CA5A: variants seen among roughly 807,000 people sequenced by gnomAD.
CA5A encodes carbonic anhydrase 5A, mitochondrial.
CA5A carries 28 observed loss-of-function variants against 37.1 expected under a neutral mutation model. That is an observed-to-expected ratio of 0.75 (90% CI 0.56 to 1.03). The LOEUF (loss-of-function observed/expected upper bound fraction) is 1.03. Among genes scored for constraint, CA5A ranks in the 50% least tolerant of loss-of-function variants. The probability of loss-of-function intolerance (pLI) is 0.00; values close to 1 mark genes in which losing one functional copy is unlikely to be tolerated. For missense variants in CA5A, 444 were observed against 399.9 expected (o/e 1.11, Z -0.94); for synonymous variants, 171 against 158.4 (o/e 1.08, Z -0.60).
intron 2 of CA5A, among the ~76,000 whole-genome samples, chr16:87,910,062 C>T (rs1298541989): frequency 6.6e-6 from 1 of 151,544 alleles, no homozygotes; most frequent in Non-Finnish European, 1.5e-5. Context: ...TAGCACAACG[C>T]TTGACGTAAA....
intron 2 of CA5A, among the ~76,000 whole-genome samples, chr16:87,907,642 A>G (rs1167926548): frequency 6.6e-6 from 1 of 152,146 alleles, no homozygotes; most frequent in African/African-American, 2.4e-5. Flanking sequence ...GGCTGTTTCT[A>G]GGCTGGGTGT....
downstream of CA5A, chr16:87,886,643 G>A (rs2055650564): frequency 6.6e-6 from 1 of 152,248 alleles, no homozygotes; most frequent in South Asian, 2.1e-4. Context: ...TTGGAGCCCA[G>A]GAGTTCAGGA....
chr16:87,895,563 C>CA, intron 5 of CA5A, among the ~76,000 whole-genome samples: 1 of 152,024 alleles, frequency 6.6e-6, no homozygotes, highest in East Asian at 1.9e-4. Context: ...AAACAAAAAA[C>CA]AAAAAACAAA....
chr16:87,910,915 A>G (rs987370022), intron 2 of CA5A, among the ~76,000 whole-genome samples: 1 of 151,854 alleles, frequency 6.6e-6, no homozygotes, highest in African/African-American at 2.4e-5. Flanking sequence ...ATGCCCAGCT[A>G]ATTTTTGTAT....
chr16:87,884,649 G>C (rs564060680), downstream of CA5A: 2 of 151,608 alleles, frequency 1.3e-5, no homozygotes, highest in African/African-American at 4.9e-5. Flanking sequence ...CAGGAGAATT[G>C]TTTGAACCCG....
downstream of CA5A, chr16:87,886,852 T>C (rs572233069): frequency 6.6e-6 from 1 of 152,356 alleles, no homozygotes; most frequent in Admixed American, 6.5e-5. Context: ...GGTTGATTTG[T>C]CCTTCTCTGA....
At chr16:87,889,663 T>C (rs1340031965) in intron 6 of CA5A, among the ~76,000 whole-genome samples, 2 of 151,632 alleles carry the variant, frequency 1.3e-5, no homozygotes, top group Non-Finnish European at 2.9e-5. Context: ...ATCCAGCTAC[T>C]TGGGAGGGTG....
At chr16:87,917,476 C>A (rs927708477) in intron 2 of CA5A, among the ~76,000 whole-genome samples, 1 of 152,218 alleles carries the variant, frequency 6.6e-6, no homozygotes, top group African/African-American at 2.4e-5. Flanking sequence ...GAGAAAATAT[C>A]TGTAGAGAGA....
chr16:87,895,312 G>A (rs1475377822), intron 5 of CA5A, among the ~76,000 whole-genome samples: 4 of 152,292 alleles, frequency 2.6e-5, no homozygotes, highest in Admixed American at 1.3e-4. Context: ...TTGGGAGGCC[G>A]AGGCGGATGG....
In CA5A at chr16:87,891,904, G is replaced by A; in HGVS notation, c.669C>T (p.Thr223=). 2 of 1,569,910 alleles carry A rather than the reference G, an allele frequency of 1.3e-6. No homozygotes were observed. Among genetic ancestry groups the A allele is most frequent in the Non-Finnish European group, 1.7e-6 (2 of 1,159,198 alleles). Residue 223 remains threonine, a synonymous_variant, in exon 6 of 7, where the codon ACC becomes ACT. Transcript: ENST00000649794. ...RPFDPSTLLP[T]CWDYWTYAGS... ...CCGCGTAGGTCCAGTAATCCCAGCA[G>A]GTGGGCAGCAGAGTGGAGGGGTCGA... is the stretch of plus-strand genomic sequence containing the variant.
At chr16:87,905,358 G>C (rs894989714) in intron 2 of CA5A, among the ~76,000 whole-genome samples, 2 of 152,138 alleles carry the variant, frequency 1.3e-5, no homozygotes, top group African/African-American at 4.8e-5. Context: ...TTTTTGTTTT[G>C]TCTTGTTTTG....
At chr16:87,935,402 C>T (rs751616229) in intron 1 of CA5A, among the ~76,000 whole-genome samples, 4 of 152,108 alleles carry the variant, frequency 2.6e-5, no homozygotes, top group South Asian at 2.1e-4. Flanking sequence ...CGTTCTCTGC[C>T]GAAGAGTTTA....
At chr16:87,915,522 C>CA (rs1275588485) in intron 2 of CA5A, among the ~76,000 whole-genome samples, 2 of 110,258 alleles carry the variant, frequency 1.8e-5, no homozygotes, top group African/African-American at 6.7e-5. Context: ...GATCCTGTGT[C>CA]AAAATTTTTT....
chr16:87,917,674 C>CAG (rs869120054), intron 2 of CA5A, among the ~76,000 whole-genome samples: 3 of 26,356 alleles, frequency 1.1e-4, no homozygotes, highest in African/African-American at 3.2e-4. Flanking sequence ...GAGACACATG[C>CAG]ACACAGTGCA....
rs183704791 is a variant in CA5A at position 87,929,834 on chromosome 16, C to T, written c.143-2889G>A. On this transcript the variant is annotated intron_variant, in intron 1 of 6. Transcript: ENST00000649794. ...TTGCAGTGAGCCGAGATCGCGCCACCGCACTCCAGCCTGGGCAATACAGCG... is the reference window on the plus strand; with the variant it reads ...TTGCAGTGAGCCGAGATCGCGCCACTGCACTCCAGCCTGGGCAATACAGCG... Among the ~76,000 whole-genome samples the T allele has an allele frequency of 2.4e-3, 319 of 132,608 alleles. 2 individuals are homozygous for T. The highest frequency in any genetic ancestry group is 7.4e-3 in the African/African-American group (261 of 35,152). The allele number at this position is 132,608 out of a possible 152,430, so 87.0% of individuals were successfully genotyped here. A position where few individuals can be genotyped will look rare whatever the true frequency, so the allele number is the denominator to read the frequency against.
chr16:87,927,075 C>T (rs865985105), intron 1 of CA5A, 130 bp from the exon 2 acceptor site: 9 of 682,222 alleles, frequency 1.3e-5, no homozygotes, highest in South Asian at 5.5e-5. Context: ...CCACGGGAAA[C>T]GGGCGCGTGG....
intron 2 of CA5A, chr16:87,924,235 TCAGC>T: frequency 1.0e-6 from 1 of 985,416 alleles, no homozygotes; most frequent in Non-Finnish European, 1.2e-6. Context: ...CTGCTGGCAC[TCAGC>T]AAGCCCCACA....
At chr16:87,888,783 C>A (rs2055673484) in intron 6 of CA5A, among the ~76,000 whole-genome samples, 2 of 152,222 alleles carry the variant, frequency 1.3e-5, no homozygotes, top group Admixed American at 1.3e-4. Flanking sequence ...CAGTGTTTCG[C>A]TCTTGTTTCC....
intron 5 of CA5A, among the ~76,000 whole-genome samples, chr16:87,897,000 G>C (rs190099154): frequency 1.3e-5 from 2 of 152,342 alleles, no homozygotes; most frequent in East Asian, 3.9e-4. Flanking sequence ...GCCCCACCCA[G>C]CCTAACTCCG....
Sources: gnomAD v4.1 joint callset for allele counts (sites outside exome capture counted in the v4.1 genomes callset) on GRCh38, gnomAD v4.1.1 for gene constraint, MANE v1.5 for transcripts, NCBI Gene and HGNC (gene_info 2026-07-23, HGNC 2026-07-21) for gene names.